CLOCK: variants seen among roughly 807,000 people sequenced by gnomAD.
CLOCK encodes clock circadian regulator.
A neutral mutation model predicts 118.4 loss-of-function variants in CLOCK; 43 were observed. The ratio of observed to expected loss-of-function variants is 0.36; its 90% CI spans 0.28 to 0.47. The LOEUF (loss-of-function observed/expected upper bound fraction) is 0.47, where lower values mean the gene tolerates loss of function less well. Ranked by LOEUF, CLOCK falls within the 20% of genes least tolerant of loss-of-function variation. CLOCK has a pLI of 1.00. For missense variants in CLOCK, 846 were observed against 999.9 expected (o/e 0.85, Z 2.08); for synonymous variants, 326 against 339.2 (o/e 0.96, Z 0.43).
chr4:55,462,515 G>A (rs1426334906), intron 9 of CLOCK, among the ~76,000 whole-genome samples: 1 of 152,176 alleles, frequency 6.6e-6, no homozygotes, highest in Non-Finnish European at 1.5e-5. Context: ...GTAGCCTCAA[G>A]TGGTCTGCCC....
intron 1 of CLOCK, among the ~76,000 whole-genome samples, chr4:55,515,551 T>A (rs1297342985): frequency 2.6e-5 from 4 of 152,040 alleles, no homozygotes; most frequent in African/African-American, 9.7e-5. Flanking sequence ...ATTTTTTGAA[T>A]TTTTTGTATT....
chr4:55,462,374 C>T (rs1725403836), intron 9 of CLOCK, among the ~76,000 whole-genome samples: 1 of 152,112 alleles, frequency 6.6e-6, no homozygotes, highest in African/African-American at 2.4e-5. Flanking sequence ...GCAAACTCAG[C>T]CTCCGGGGTT....
rs570851660 is a variant in CLOCK at position 55,509,725 on chromosome 4, A to T, written c.-136+187T>A. 1.0e-3 allele frequency among the ~76,000 whole-genome samples: 152 copies of T among 152,342 alleles called. 1 individual carries two copies. In the Middle Eastern group the frequency reaches 0.014, roughly 14 times the overall value. On this transcript the variant is annotated intron_variant, in intron 2 of 22. Coordinates refer to ENST00000513440, the MANE Select transcript of CLOCK (RefSeq NM_004898.4). The stretch of plus-strand genomic sequence containing the variant: ...AATACTTTACATCTGGATTTCAATT[A>T]TTTTTCCCAATAAATAACCTTCTTA...
At position 55,469,700 on chromosome 4, in the gene CLOCK, C is replaced by T. The variant is rs372704946; in HGVS notation, c.438+1017G>A. ...CATAAAGAAAGGAAATATTTTTGTA[C>T]AGCTATATGATATATTTGTGTTTCT... On this transcript the variant is annotated intron_variant, in intron 8 of 22. Transcript: ENST00000513440. Among the ~76,000 whole-genome samples, 82 of 152,172 alleles carry T rather than the reference C, an allele frequency of 5.4e-4. 2 individuals are homozygous for T. The East Asian group carries it at 0.011, about 21-fold the overall frequency.
At chr4:55,474,150 A>T (rs1251360965) in intron 7 of CLOCK, among the ~76,000 whole-genome samples, 1 of 152,166 alleles carries the variant, frequency 6.6e-6, no homozygotes, top group Non-Finnish European at 1.5e-5. Context: ...ATGAAAAAGA[A>T]AAGTTTTAGT....
At chr4:55,472,200 G>A (rs1726196779) in intron 7 of CLOCK, among the ~76,000 whole-genome samples, 1 of 152,152 alleles carries the variant, frequency 6.6e-6, no homozygotes, top group African/African-American at 2.4e-5. Context: ...TATAAAATGA[G>A]ATAAAGAATA....
chr4:55,429,911 C>T lies in CLOCK; in HGVS notation c.*5504G>A, dbSNP rs1722392476. On this transcript the variant is annotated 3_prime_UTR_variant, in exon 23 of 23. Coordinates refer to ENST00000513440, the MANE Select transcript of CLOCK (RefSeq NM_004898.4). ...CTGCCGTCCTGAAGTAAAGTAGATT[C>T]AGACTGTCCGTAAAGATTATCATGA... 1 of 152,158 alleles carries T rather than the reference C, an allele frequency of 6.6e-6. No homozygotes were observed. The highest frequency in any genetic ancestry group is 1.5e-5 in the Non-Finnish European group (1 of 68,026). The allele number at this position is 152,158 out of a possible 1,614,324, so 9.4% of individuals were successfully genotyped here.
At chr4:55,456,081 G>C (rs1189564551) in intron 12 of CLOCK, 78 bp from the exon 13 acceptor site, 4 of 1,280,506 alleles carry the variant, frequency 3.1e-6, no homozygotes, top group Admixed American at 1.9e-5. Context: ...AAACTTTGGG[G>C]GGGGGGCTTT....
In CLOCK at chr4:55,449,514, A is replaced by G; in HGVS notation, c.1349-18T>C. On this transcript the variant is annotated intron_variant, in intron 16 of 22. Coordinates refer to ENST00000513440, the MANE Select transcript of CLOCK (RefSeq NM_004898.4). Reference sequence around the variant, plus strand: ...TGGTGTTGCTGAAGTCAACAAAATCAGAAGAGCATTAGTACTTTATAAAAT... The same window carrying G: ...TGGTGTTGCTGAAGTCAACAAAATCGGAAGAGCATTAGTACTTTATAAAAT... The G allele has an allele frequency of 6.4e-7, 1 of 1,573,046 alleles. No individual in the cohort carries two copies. The highest frequency in any genetic ancestry group is 2.2e-5 in the East Asian group (1 of 44,632).
At chr4:55,520,127 T>C (rs1729767092) in intron 1 of CLOCK, among the ~76,000 whole-genome samples, 1 of 152,216 alleles carries the variant, frequency 6.6e-6, no homozygotes, top group Non-Finnish European at 1.5e-5. Flanking sequence ...TCTGTTATCC[T>C]ATAAAACTGT....
In CLOCK at chr4:55,539,572, C is replaced by CAAAAAAAAAAAA. The variant is rs57022769; in HGVS notation, c.-290+7198_-290+7209dup. Among the ~76,000 whole-genome samples, 46 of 52,064 alleles carry CAAAAAAAAAAAA rather than the reference C, an allele frequency of 8.8e-4. 1 individual carries two copies. The highest frequency in any genetic ancestry group is 1.4e-3 in the Non-Finnish European group (43 of 31,352). 34.2% of individuals were successfully genotyped at this position (52,064 alleles called of 152,430 possible). On this transcript the variant is annotated intron_variant, in intron 1 of 22. Coordinates refer to ENST00000513440, the MANE Select transcript of CLOCK (RefSeq NM_004898.4). Reference sequence around the variant, plus strand: ...TGGGTGCCAGAGTGAGACCTTGTCTCAAAAAAAAAAAAAAAAAAAAAAAAA... The same window carrying CAAAAAAAAAAAA: ...TGGGTGCCAGAGTGAGACCTTGTCTCAAAAAAAAAAAAAAAAAAAAAAAAAAAAAAAAAAAAA...
chr4:55,468,666 G>A (rs1024885730), intron 8 of CLOCK, among the ~76,000 whole-genome samples: 2 of 152,132 alleles, frequency 1.3e-5, no homozygotes, highest in African/African-American at 4.8e-5. Flanking sequence ...ATTGCAACAA[G>A]TATCTCAGCA....
chr4:55,471,928 G>A (rs977426323), intron 7 of CLOCK, among the ~76,000 whole-genome samples: 1 of 152,042 alleles, frequency 6.6e-6, no homozygotes, highest in African/African-American at 2.4e-5. Context: ...TAAAAAATTA[G>A]CCAGGTGTGG....
intron 1 of CLOCK, among the ~76,000 whole-genome samples, chr4:55,515,752 T>C (rs1204668530): frequency 1.3e-5 from 2 of 152,202 alleles, no homozygotes; most frequent in Non-Finnish European, 2.9e-5. Context: ...TTTTTGTAGT[T>C]TCCTAAGGCA....
At chr4:55,503,178 G>C (rs1728546874) in intron 2 of CLOCK, among the ~76,000 whole-genome samples, 1 of 152,072 alleles carries the variant, frequency 6.6e-6, no homozygotes, top group East Asian at 1.9e-4. Flanking sequence ...TACACATGTG[G>C]ACCAAAAGAC....
At chr4:55,465,797 C>G (rs1375195886) in intron 8 of CLOCK, among the ~76,000 whole-genome samples, 2 of 151,948 alleles carry the variant, frequency 1.3e-5, no homozygotes, top group Non-Finnish European at 2.9e-5. Context: ...ACGAAAAACA[C>G]AAAAATTAGC....
At position 55,518,241 on chromosome 4, in the gene CLOCK, C is replaced by T. The variant is rs183568397; in HGVS notation, c.-289-8176G>A. 1.3e-4 allele frequency among the ~76,000 whole-genome samples: 20 copies of T among 152,046 alleles called. No homozygotes were observed. In the East Asian group the frequency reaches 3.5e-3, roughly 26 times the overall value. On this transcript the variant is annotated intron_variant, in intron 1 of 22. Transcript: ENST00000513440. ...AAGGCAGATAAGGAGACAAAGCAAA[C>T]GTGAAATATGACATTACCAAGCTAT... is the stretch of plus-strand genomic sequence containing the variant.
intron 21 of CLOCK, among the ~76,000 whole-genome samples, chr4:55,440,736 A>G (rs916450204): frequency 1.3e-5 from 2 of 152,230 alleles, no homozygotes; most frequent in African/African-American, 4.8e-5. Context: ...GCTCACTGGT[A>G]AATGTGATAA....
intron 19 of CLOCK, among the ~76,000 whole-genome samples, chr4:55,444,111 G>T (rs564604455): frequency 1.3e-5 from 2 of 152,300 alleles, no homozygotes; most frequent in South Asian, 4.1e-4. Context: ...TAGAAAAAGT[G>T]TAACTAGTGT....
Sources: allele counts gnomAD v4.1 joint callset (sites outside exome capture counted in the v4.1 genomes callset), GRCh38; gene constraint gnomAD v4.1.1; transcripts MANE v1.5; gene names NCBI Gene and HGNC (gene_info 2026-07-23, HGNC 2026-07-21).